CACNA1D: variants seen among roughly 807,000 people sequenced by gnomAD.
CACNA1D encodes voltage-dependent L-type calcium channel subunit alpha-1D.
CACNA1D carries 55 observed loss-of-function variants against 257.1 expected under a neutral mutation model. The ratio of observed to expected loss-of-function variants is 0.21; its 90% CI spans 0.17 to 0.27. The LOEUF is 0.27. Among genes scored for constraint, CACNA1D ranks in the 10% least tolerant of loss-of-function variants. CACNA1D has a pLI of 1.00. For synonymous variants in CACNA1D, 980 were observed against 1,014.9 expected, an observed-to-expected ratio of 0.97 and a Z score of 0.65; for missense variants, 1,876 against 2,784.0, an observed-to-expected ratio of 0.67 and a Z score of 7.34.
chr3:53,652,240 G>A (rs1376797573), intron 4 of CACNA1D, among the ~76,000 whole-genome samples: 1 of 152,106 alleles, frequency 6.6e-6, no homozygotes, highest in Non-Finnish European at 1.5e-5. Flanking sequence ...GAGATGCTTA[G>A]CCCCATTTCT....
intron 3 of CACNA1D, among the ~76,000 whole-genome samples, chr3:53,621,202 G>A (rs2093693439): frequency 6.6e-6 from 1 of 152,074 alleles, no homozygotes; most frequent in African/African-American, 2.4e-5. Flanking sequence ...ACGGGACTGG[G>A]GATGCAGCTC....
At chr3:53,542,914 T>C (rs2092329654) in intron 3 of CACNA1D, among the ~76,000 whole-genome samples, 3 of 151,732 alleles carry the variant, frequency 2.0e-5, no homozygotes, top group South Asian at 4.2e-4. Context: ...CAGCTGGGCG[T>C]GGTGGCGCAT....
chr3:53,605,436 T>C (rs1053133105), intron 3 of CACNA1D, among the ~76,000 whole-genome samples: 6 of 152,230 alleles, frequency 3.9e-5, no homozygotes, highest in Non-Finnish European at 8.8e-5. Context: ...AGTGATTGAA[T>C]GAGCAGCACA....
intron 9 of CACNA1D, among the ~76,000 whole-genome samples, chr3:53,709,609 AC>A (rs1399919498): frequency 1.3e-5 from 2 of 152,182 alleles, no homozygotes; most frequent in African/African-American, 4.8e-5. Flanking sequence ...GCTGTCTCAC[AC>A]TGCTTCGCAC....
At chr3:53,805,843 A>C (rs1198460068) in intron 45 of CACNA1D, among the ~76,000 whole-genome samples, 11 of 73,106 alleles carry the variant, frequency 1.5e-4, no homozygotes, top group Admixed American at 4.0e-4. Flanking sequence ...CTCCTCCTCC[A>C]TCTTTCCTCC....
chr3:53,564,607 T>C (rs546664455), intron 3 of CACNA1D, among the ~76,000 whole-genome samples: 2 of 152,232 alleles, frequency 1.3e-5, no homozygotes, highest in Non-Finnish European at 2.9e-5. Context: ...ATGTAGCTAA[T>C]TTATCATTTT....
In CACNA1D at chr3:53,520,887, TTTC is replaced by T. The variant is rs758518727; in HGVS notation, c.483+19170_483+19172del. On this transcript the variant is annotated intron_variant, in intron 3 of 47. Coordinates refer to ENST00000350061, the MANE Select transcript of CACNA1D (RefSeq NM_001128840.3). Reference sequence around the variant, plus strand: ...CTTTCTTTCTTTCTTTCTTTCTTTCTTTCTTTCTTTTCTTTTCTTTTCTTTTCT... The same window carrying T: ...CTTTCTTTCTTTCTTTCTTTCTTTCTTTTCTTTTCTTTTCTTTTCTTTTCT... Among the ~76,000 whole-genome samples the T allele has an allele frequency of 6.1e-4, 40 of 65,390 alleles. 1 individual carries two copies. The South Asian group carries it at 0.013, about 21-fold the overall frequency. The allele number at this position is 65,390 out of a possible 152,430, so 42.9% of individuals were successfully genotyped here.
intron 29 of CACNA1D, among the ~76,000 whole-genome samples, chr3:53,755,087 G>T (rs1014078311): frequency 2.0e-5 from 3 of 152,118 alleles, no homozygotes; most frequent in Non-Finnish European, 2.9e-5. Flanking sequence ...TTTCCTTTGA[G>T]ATTTTGGTTT....
chr3:53,709,357 G>T (rs1231201451), intron 9 of CACNA1D, among the ~76,000 whole-genome samples: 3 of 152,164 alleles, frequency 2.0e-5, no homozygotes, highest in African/African-American at 7.2e-5. Flanking sequence ...TGTGACTTAC[G>T]TGGCAAAGCT....
At chr3:53,554,068 T>C (rs983083070) in intron 3 of CACNA1D, among the ~76,000 whole-genome samples, 9 of 151,666 alleles carry the variant, frequency 5.9e-5, no homozygotes, top group Non-Finnish European at 1.0e-4. Context: ...TGGTGGTGGG[T>C]GCCTATAGTC....
intron 3 of CACNA1D, among the ~76,000 whole-genome samples, chr3:53,649,016 G>C (rs770208419): frequency 6.6e-6 from 1 of 152,198 alleles, no homozygotes; most frequent in African/African-American, 2.4e-5. Flanking sequence ...GGCAAAGACT[G>C]GGATGCATGG....
rs867945246 is a variant in CACNA1D at position 53,810,775 on chromosome 3, A to C, written c.6193-338A>C. ...TCTTGTCTCAAAAAAAAAAAAAAAA[A>C]AAAAAAAAAAACAAAAACTGGTCAC... On this transcript the variant is annotated intron_variant, in intron 47 of 47. Coordinates refer to ENST00000350061, the MANE Select transcript of CACNA1D (RefSeq NM_001128840.3). Among the ~76,000 whole-genome samples the C allele has an allele frequency of 1.4e-3, 210 of 148,628 alleles. 4 individuals are homozygous for C. The highest frequency in any genetic ancestry group is 3.6e-3 in the African/African-American group (144 of 40,084).
In CACNA1D at chr3:53,566,000, A is replaced by G. The variant is rs2092828118; in HGVS notation, c.483+64280A>G. On this transcript the variant is annotated intron_variant, in intron 3 of 47. Coordinates refer to ENST00000350061, the MANE Select transcript of CACNA1D (RefSeq NM_001128840.3). ...TTTCTCTGTAGAAAGTATTACTTAT[A>G]CTGTAAATAGCAGTCAAATTTCAAG... 2.0e-5 allele frequency among the ~76,000 whole-genome samples: 3 copies of G among 152,190 alleles called. No homozygotes were observed. In the South Asian group the frequency reaches 6.2e-4, roughly 32 times the overall value.
chr3:53,656,761 C>A (rs1223140167), intron 4 of CACNA1D, among the ~76,000 whole-genome samples: 4 of 152,120 alleles, frequency 2.6e-5, no homozygotes, highest in Non-Finnish European at 1.5e-5. Context: ...TTGAACAGAT[C>A]TTCACAAAAG....
At chr3:53,541,138 T>C (rs918472891) in intron 3 of CACNA1D, among the ~76,000 whole-genome samples, 4 of 152,298 alleles carry the variant, frequency 2.6e-5, no homozygotes, top group Admixed American at 2.6e-4. Flanking sequence ...ATTTTGCGAG[T>C]ACATCTATAA....
chr3:53,689,430 A>C (rs961582766), intron 8 of CACNA1D, among the ~76,000 whole-genome samples: 11 of 151,522 alleles, frequency 7.3e-5, no homozygotes, highest in Admixed American at 6.6e-4. Context: ...TGGAAGGTAA[A>C]GCTGCCACCT....
intron 3 of CACNA1D, among the ~76,000 whole-genome samples, chr3:53,505,256 G>T (rs1358672268): frequency 6.6e-6 from 1 of 151,624 alleles, no homozygotes; most frequent in African/African-American, 2.4e-5. Flanking sequence ...CTACAGACGA[G>T]CGCCAACATG....
chr3:53,554,170 T>A (rs2092594917), intron 3 of CACNA1D, among the ~76,000 whole-genome samples: 1 of 149,620 alleles, frequency 6.7e-6, no homozygotes, highest in Non-Finnish European at 1.5e-5. Context: ...CACTCCAGCC[T>A]GGGCAACAGA....
At chr3:53,645,873 G>T (rs1430354879) in intron 3 of CACNA1D, among the ~76,000 whole-genome samples, 6 of 152,142 alleles carry the variant, frequency 3.9e-5, no homozygotes, top group Admixed American at 3.9e-4. Flanking sequence ...AGAAAGAAGG[G>T]AACAGGATGT....
Sources: gnomAD v4.1 joint callset for allele counts (sites outside exome capture counted in the v4.1 genomes callset) on GRCh38, gnomAD v4.1.1 for gene constraint, MANE v1.5 for transcripts, NCBI Gene and HGNC (gene_info 2026-07-23, HGNC 2026-07-21) for gene names.